RBFOX3: variants seen among roughly 807,000 people sequenced by gnomAD.
RBFOX3 encodes RNA binding fox-1 homolog 3.
In RBFOX3, 17 loss-of-function variants were observed where a neutral mutation model predicts 48.7. The ratio of observed to expected loss-of-function variants is 0.35; its 90% CI spans 0.24 to 0.52. The LOEUF (loss-of-function observed/expected upper bound fraction) is 0.52. Among genes scored for constraint, RBFOX3 ranks in the 20% least tolerant of loss-of-function variants. The pLI is 0.94. For synonymous variants in RBFOX3, 212 were observed against 209.5 expected (o/e 1.01, Z -0.10); for missense variants, 382 against 497.5 (o/e 0.77, Z 2.21).
chr17:79,546,795 G>A (rs542879039), intron 1 of RBFOX3, among the ~76,000 whole-genome samples: 3 of 151,210 alleles, frequency 2.0e-5, no homozygotes, highest in South Asian at 2.1e-4. Flanking sequence ...TTAGCCTCCC[G>A]AGTAGCTGGG....
At chr17:79,599,734 C>T (rs1881878800) in intron 1 of RBFOX3, 2 of 152,346 alleles carry the variant, frequency 1.3e-5, no homozygotes, top group South Asian at 2.1e-4. Context: ...AAATGGCCCT[C>T]GCAGTCTCTT....
At chr17:79,185,400 C>T (rs952655628) in intron 4 of RBFOX3, among the ~76,000 whole-genome samples, 1 of 152,194 alleles carries the variant, frequency 6.6e-6, no homozygotes, top group African/African-American at 2.4e-5. Flanking sequence ...ATGCCTGGGC[C>T]AGGAAGATGA....
intron 3 of RBFOX3, among the ~76,000 whole-genome samples, chr17:79,294,166 C>T (rs1485679907): frequency 6.6e-6 from 1 of 152,226 alleles, no homozygotes; most frequent in Non-Finnish European, 1.5e-5. Flanking sequence ...CTCCAACAAG[C>T]CGCTGCTCTT....
intron 1 of RBFOX3, among the ~76,000 whole-genome samples, chr17:79,492,371 G>A (rs2080814950): frequency 6.6e-6 from 1 of 152,170 alleles, no homozygotes; most frequent in Non-Finnish European, 1.5e-5. Flanking sequence ...CAGAAGTGAA[G>A]GTTCATCAAT....
chr17:79,478,988 T>G (rs2149462637), intron 2 of RBFOX3, among the ~76,000 whole-genome samples: 1 of 152,198 alleles, frequency 6.6e-6, no homozygotes, highest in South Asian at 2.1e-4. Context: ...ACACTCTCCT[T>G]TGAAGCAAGG....
chr17:79,554,169 T>C (rs1457320230), intron 1 of RBFOX3, among the ~76,000 whole-genome samples: 2 of 152,242 alleles, frequency 1.3e-5, no homozygotes, highest in Non-Finnish European at 2.9e-5. Flanking sequence ...AATGGCTTCC[T>C]TCTACTTTTC....
the RBFOX3 span, among the ~76,000 whole-genome samples, chr17:79,657,295 C>T: frequency 1.3e-5 from 2 of 152,162 alleles, no homozygotes; most frequent in Non-Finnish European, 2.9e-5. Flanking sequence ...ATCCAAGTCC[C>T]CCACCCCACC....
At chr17:79,138,729 G>GCA (rs2041043467) in intron 4 of RBFOX3, among the ~76,000 whole-genome samples, 6 of 34,442 alleles carry the variant, frequency 1.7e-4, no homozygotes, top group Non-Finnish European at 2.3e-4. Flanking sequence ...ACCCACACAC[G>GCA]CATGCACACA....
chr17:79,096,969 G>A, intron 11 of RBFOX3, 136 bp from the exon 12 acceptor site: 1 of 597,874 alleles, frequency 1.7e-6, no homozygotes, highest in South Asian at 2.0e-5. Context: ...CCAGACCCCA[G>A]GGAATGGGAG....
At chr17:79,365,636 G>C in intron 2 of RBFOX3, among the ~76,000 whole-genome samples, 1 of 152,216 alleles carries the variant, frequency 6.6e-6, no homozygotes, top group South Asian at 2.1e-4. Flanking sequence ...TCCCATACAT[G>C]AATCACCAGC....
At chr17:79,331,421 C>T (rs1256927642) in intron 2 of RBFOX3, among the ~76,000 whole-genome samples, 1 of 152,200 alleles carries the variant, frequency 6.6e-6, no homozygotes, top group African/African-American at 2.4e-5. Flanking sequence ...GGGGGTGCAT[C>T]ACTGTCAGGG....
chr17:79,566,341 G>A (rs1487091265), intron 1 of RBFOX3, among the ~76,000 whole-genome samples: 6 of 152,194 alleles, frequency 3.9e-5, no homozygotes, highest in African/African-American at 1.4e-4. Context: ...ACTGTAAGAA[G>A]CGGCCAGCGC....
At chr17:79,463,030 C>A (rs2075606805) in intron 2 of RBFOX3, among the ~76,000 whole-genome samples, 1 of 125,952 alleles carries the variant, frequency 7.9e-6, no homozygotes. Context: ...CTGACACCTC[C>A]ACCACCATCG....
At chr17:79,383,031 A>AACACACACACACACAC (rs60851419) in intron 2 of RBFOX3, among the ~76,000 whole-genome samples, 1,843 of 141,332 alleles carry the variant, frequency 0.013, 47 homozygotes, top group African/African-American at 0.033. Context: ...CTGCCTCTCA[A>AACACACACACACACAC]ACACACACAC....
the RBFOX3 span, among the ~76,000 whole-genome samples, chr17:79,661,959 C>T: frequency 6.6e-6 from 1 of 151,834 alleles, no homozygotes; most frequent in South Asian, 2.1e-4. Context: ...TTAATTGTAC[C>T]CTTTGATTGT....
At position 79,214,226 on chromosome 17, in the gene RBFOX3, C is replaced by T. The variant is rs573924307; in HGVS notation, c.-34+21540G>A. ...CTGATAAAGTCGGCCTCTCCAGCAA[C>T]GCACGGAGCTATCTCACTTACAACG... On this transcript the variant is annotated intron_variant, in intron 4 of 14. Coordinates refer to ENST00000693108, the MANE Select transcript of RBFOX3 (RefSeq NM_001350451.2). The surrounding 1 kb of genome is among the most constrained non-coding windows in gnomAD (Gnocchi z 4.7). Among the ~76,000 whole-genome samples, 4 of 152,198 alleles carry T rather than the reference C, an allele frequency of 2.6e-5. No homozygotes were observed. The highest frequency in any genetic ancestry group is 9.7e-5 in the African/African-American group (4 of 41,440).
At chr17:79,640,584 T>G in the RBFOX3 span, among the ~76,000 whole-genome samples, 1 of 152,212 alleles carries the variant, frequency 6.6e-6, no homozygotes, top group East Asian at 1.9e-4. Flanking sequence ...CAAAATATTA[T>G]GGTACTGATA....
At chr17:79,463,176 C>CGCCAT (rs1555750405) in intron 2 of RBFOX3, among the ~76,000 whole-genome samples, 1 of 121,654 alleles carries the variant, frequency 8.2e-6, no homozygotes, top group Non-Finnish European at 1.8e-5. Context: ...GCCACCTCCA[C>CGCCAT]CGCCATCGCC....
intron 1 of RBFOX3, among the ~76,000 whole-genome samples, chr17:79,565,371 G>A (rs1323577868): frequency 3.4e-5 from 5 of 145,566 alleles, no homozygotes; most frequent in East Asian, 4.0e-4. Flanking sequence ...ACAGAGACTC[G>A]CTCTGTTGCC....
Sources: allele counts gnomAD v4.1 joint callset (sites outside exome capture counted in the v4.1 genomes callset), GRCh38; gene constraint gnomAD v4.1.1; non-coding constraint Gnocchi (gnomAD v3.1); transcripts MANE v1.5; gene names NCBI Gene and HGNC (gene_info 2026-07-23, HGNC 2026-07-21).